WAC: variants seen among roughly 807,000 people sequenced by gnomAD.
WAC encodes the protein WW domain containing adaptor with coiled-coil.
Under a neutral mutation model 79.6 loss-of-function variants are expected in WAC, and 11 were observed. That is an observed-to-expected ratio of 0.14 (90% CI 0.09 to 0.23). The LOEUF (loss-of-function observed/expected upper bound fraction) is 0.23, where lower values mean the gene tolerates loss of function less well. Among genes scored for constraint, WAC ranks in the 10% least tolerant of loss-of-function variants. The probability of loss-of-function intolerance (pLI) is 1.00; values close to 1 mark genes in which losing one functional copy is unlikely to be tolerated. For missense variants in WAC, 728 were observed against 773.5 expected (o/e 0.94, Z 0.70); for synonymous variants, 304 against 276.9 (o/e 1.10, Z -0.97).
intron 3 of WAC, among the ~76,000 whole-genome samples, chr10:28,578,405 T>G (rs1005316048): frequency 6.6e-6 from 1 of 152,210 alleles, no homozygotes; most frequent in Non-Finnish European, 1.5e-5. Flanking sequence ...CTAAGACTTC[T>G]AAGTCTGTGG....
chr10:28,588,451 C>T (rs924687920), intron 4 of WAC, among the ~76,000 whole-genome samples: 5 of 152,092 alleles, frequency 3.3e-5, no homozygotes, highest in Admixed American at 2.6e-4. Context: ...TTTCCAGACT[C>T]GGTGTTAATT....
chr10:28,551,434 T>A (rs1350372776), intron 3 of WAC, among the ~76,000 whole-genome samples: 1 of 152,210 alleles, frequency 6.6e-6, no homozygotes, highest in African/African-American at 2.4e-5. Flanking sequence ...GTAAACCGAT[T>A]GAAAGCATAT....
chr10:28,544,593 A>G lies in WAC; in HGVS notation c.274+8836A>G, dbSNP rs1206139050. Among the ~76,000 whole-genome samples, 5 of 152,212 alleles carry G rather than the reference A, an allele frequency of 3.3e-5. No homozygotes were observed. The South Asian group carries it at 6.2e-4, about 19-fold the overall frequency. ...AAATTTAGTGTCAGATTAGCAACCTATAGCTACTTCTAAAGCTGCTGCTGC... is the reference window on the plus strand; with the variant it reads ...AAATTTAGTGTCAGATTAGCAACCTGTAGCTACTTCTAAAGCTGCTGCTGC... On this transcript the variant is annotated intron_variant, in intron 3 of 13. Coordinates refer to ENST00000354911, the MANE Select transcript of WAC (RefSeq NM_016628.5).
Position 28,534,225 on chromosome 10 carries a change from T to C in WAC, c.78+191T>C, listed in dbSNP as rs186826577. Reference sequence around the variant, plus strand: ...CTCTCCAGCAAGGTTTAGTGACTTATTTTGACAGGTGACTGGAGGGAGTTC... The same window carrying C: ...CTCTCCAGCAAGGTTTAGTGACTTACTTTGACAGGTGACTGGAGGGAGTTC... On this transcript the variant is annotated intron_variant, in intron 2 of 13. Coordinates refer to ENST00000354911, the MANE Select transcript of WAC (RefSeq NM_016628.5). 8 of 484,886 alleles carry C rather than the reference T, an allele frequency of 1.6e-5. No homozygotes were observed. The East Asian group carries it at 2.1e-4, about 13-fold the overall frequency. The allele number at this position is 484,886 out of a possible 1,614,324, so 30.0% of individuals were successfully genotyped here. A position where few individuals can be genotyped will look rare whatever the true frequency, so the allele number is the denominator to read the frequency against.
chr10:28,548,456 A>G (rs1042861956), intron 3 of WAC, among the ~76,000 whole-genome samples: 2 of 151,950 alleles, frequency 1.3e-5, no homozygotes, highest in East Asian at 1.9e-4. Context: ...TGTACACTCC[A>G]CTCTGGGGAG....
chr10:28,614,254 C>T (rs1057179320), intron 10 of WAC, among the ~76,000 whole-genome samples: 34 of 152,020 alleles, frequency 2.2e-4, no homozygotes, highest in Admixed American at 6.5e-4. Flanking sequence ...TACAGGCGCC[C>T]GCCACTGCGC....
intron 3 of WAC, among the ~76,000 whole-genome samples, chr10:28,578,861 G>A (rs1164385822): frequency 2.0e-5 from 3 of 152,056 alleles, no homozygotes; most frequent in African/African-American, 7.2e-5. Context: ...ACCCTTGGAC[G>A]GTGGTCTGAA....
At chr10:28,576,528 CTTA>C (rs1487878304) in intron 3 of WAC, among the ~76,000 whole-genome samples, 25 of 152,060 alleles carry the variant, frequency 1.6e-4, no homozygotes, top group Non-Finnish European at 2.9e-4. Context: ...AAAAAATGAC[CTTA>C]TTATAAACTA....
intron 3 of WAC, among the ~76,000 whole-genome samples, chr10:28,559,391 T>C (rs1838186216): frequency 1.3e-5 from 2 of 152,118 alleles, no homozygotes; most frequent in Admixed American, 6.6e-5. Flanking sequence ...AGTGTTTGTT[T>C]AAACAAGTTA....
chr10:28,538,547 A>G (rs910235365), intron 3 of WAC, among the ~76,000 whole-genome samples: 1 of 142,984 alleles, frequency 7.0e-6, no homozygotes, highest in African/African-American at 2.6e-5. Context: ...GTGCCATTGC[A>G]CTCCAGCCTG....
At chr10:28,578,067 A>G (rs1303203586) in intron 3 of WAC, among the ~76,000 whole-genome samples, 1 of 152,146 alleles carries the variant, frequency 6.6e-6, no homozygotes, top group Non-Finnish European at 1.5e-5. Context: ...GCTGAGGCAC[A>G]AGGATCTCTT....
intron 3 of WAC, among the ~76,000 whole-genome samples, chr10:28,540,425 C>G (rs1465972562): frequency 6.6e-6 from 1 of 152,176 alleles, no homozygotes; most frequent in Non-Finnish European, 1.5e-5. Flanking sequence ...TATCTTCACC[C>G]TTCTTCCCTC....
chr10:28,613,530 G>A (rs1444260893), intron 10 of WAC, among the ~76,000 whole-genome samples: 4 of 152,128 alleles, frequency 2.6e-5, no homozygotes, highest in Admixed American at 2.0e-4. Context: ...CTTTAAGCAG[G>A]TAGCTGTTCG....
At chr10:28,565,296 T>G (rs2132512097) in intron 3 of WAC, among the ~76,000 whole-genome samples, 1 of 152,348 alleles carries the variant, frequency 6.6e-6, no homozygotes, top group East Asian at 1.9e-4. Context: ...TGTGTGAACA[T>G]AACTTTTTGT....
chr10:28,533,954 C>G, intron 1 of WAC, 44 bp from the exon 2 acceptor site: 1 of 1,603,322 alleles, frequency 6.2e-7, no homozygotes. Flanking sequence ...GGCCCCCCAC[C>G]CGCGCCGTGT....
intron 7 of WAC, among the ~76,000 whole-genome samples, chr10:28,603,961 GTATATA>G (rs71391054): frequency 2.4e-4 from 5 of 20,904 alleles, no homozygotes; most frequent in Non-Finnish European, 3.5e-4. Context: ...ATGTATGTAT[GTATATA>G]TATATATATA....
intron 3 of WAC, 64 bp downstream of exon 3, chr10:28,535,821 G>A: frequency 1.5e-6 from 2 of 1,361,004 alleles, no homozygotes; most frequent in Non-Finnish European, 2.0e-6. Context: ...ATAAAAGGCG[G>A]CAGTAGTATT....
At chr10:28,541,333 G>A (rs1415740059) in intron 3 of WAC, among the ~76,000 whole-genome samples, 1 of 151,310 alleles carries the variant, frequency 6.6e-6, no homozygotes, top group East Asian at 1.9e-4. Flanking sequence ...GGGCATTTGG[G>A]ATGCTATACC....
chr10:28,554,679 G>C (rs1364610237), intron 3 of WAC, among the ~76,000 whole-genome samples: 2 of 152,144 alleles, frequency 1.3e-5, no homozygotes, highest in Admixed American at 6.5e-5. Flanking sequence ...AAGCACACTT[G>C]CTTGTTCTTT....
Sources: allele counts gnomAD v4.1 joint callset (sites outside exome capture counted in the v4.1 genomes callset), GRCh38; gene constraint gnomAD v4.1.1; transcripts MANE v1.5; gene names NCBI Gene and HGNC (gene_info 2026-07-23, HGNC 2026-07-21).